Variants in FOXO3 observed in about 807,000 individuals in gnomAD.
The protein encoded by FOXO3 is forkhead box protein O3.
FOXO3 carries 4 observed loss-of-function variants against 41.9 expected under a neutral mutation model. The ratio of observed to expected loss-of-function variants is 0.10; its 90% CI spans 0.05 to 0.22. The LOEUF (loss-of-function observed/expected upper bound fraction) is 0.22. Ranked by LOEUF, FOXO3 falls within the 10% of genes least tolerant of loss-of-function variation. The probability of loss-of-function intolerance (pLI) is 1.00; values close to 1 mark genes in which losing one functional copy is unlikely to be tolerated. For missense variants in FOXO3, 534 were observed against 906.8 expected, an observed-to-expected ratio of 0.59 and a Z score of 5.28; for synonymous variants, 318 against 389.3, an observed-to-expected ratio of 0.82 and a Z score of 2.16.
chr6:108,650,046 TGACTAAAGGGAAAGG>T (rs1160287511), intron 1 of FOXO3, among the ~76,000 whole-genome samples: 22 of 152,168 alleles, frequency 1.4e-4, no homozygotes, highest in African/African-American at 5.3e-4. Flanking sequence ...ATGAAAAACC[TGACTAAAGGGAAAGG>T]GCTGGAAATT....
At chr6:108,562,506 G>C (rs1775835368) in intron 1 of FOXO3, among the ~76,000 whole-genome samples, 1 of 152,080 alleles carries the variant, frequency 6.6e-6, no homozygotes, top group Admixed American at 6.5e-5. Context: ...AAATGTTCTG[G>C]GGCCTCGAAC....
At chr6:108,600,337 G>A (rs953719055) in intron 1 of FOXO3, among the ~76,000 whole-genome samples, 1 of 151,976 alleles carries the variant, frequency 6.6e-6, no homozygotes, top group Non-Finnish European at 1.5e-5. Flanking sequence ...CCCGAGGTCA[G>A]GAATTCAAGA....
upstream of FOXO3, chr6:108,560,095 C>T (rs1438729024): frequency 1.3e-5 from 2 of 152,402 alleles, no homozygotes; most frequent in Non-Finnish European, 2.9e-5. Context: ...GGGCGCTTCC[C>T]TTTCCCCTCC....
At chr6:108,665,904 A>G (rs888243527) in intron 2 of FOXO3, among the ~76,000 whole-genome samples, 2 of 151,994 alleles carry the variant, frequency 1.3e-5, no homozygotes, top group Non-Finnish European at 2.9e-5. Flanking sequence ...TTGTTCACCA[A>G]ACTATAAATG....
chr6:108,673,605 C>G (rs1770443895), intron 2 of FOXO3, among the ~76,000 whole-genome samples: 1 of 152,208 alleles, frequency 6.6e-6, no homozygotes, highest in African/African-American at 2.4e-5. Context: ...TCCTGTGTAT[C>G]TAAAGCAGGA....
intron 1 of FOXO3, among the ~76,000 whole-genome samples, chr6:108,649,133 G>A (rs13193573): frequency 6.6e-6 from 1 of 152,052 alleles, no homozygotes; most frequent in East Asian, 1.9e-4. Context: ...GCCAGCATGA[G>A]CAGTAGTCTA....
intron 1 of FOXO3, among the ~76,000 whole-genome samples, chr6:108,588,605 C>T (rs999194885): frequency 1.4e-4 from 22 of 152,222 alleles, no homozygotes; most frequent in African/African-American, 5.3e-4. Flanking sequence ...TTCCTTCTCA[C>T]TCCCCAAAAG....
intron 2 of FOXO3, among the ~76,000 whole-genome samples, chr6:108,678,869 C>CTT (rs1156923290): frequency 1.3e-3 from 71 of 55,008 alleles, no homozygotes; most frequent in Admixed American, 2.3e-3. Flanking sequence ...TTCTTAAATT[C>CTT]TTTTTTTTTT....
At chr6:108,560,468 C>T (rs1775739608), upstream of FOXO3, among the ~76,000 whole-genome samples, 1 of 152,204 alleles carries the variant, frequency 6.6e-6, no homozygotes, top group African/African-American at 2.4e-5. Flanking sequence ...TGACAAGGGC[C>T]CATCTGCGCC....
At chr6:108,580,725 A>G (rs1400086700) in intron 1 of FOXO3, among the ~76,000 whole-genome samples, 1 of 152,212 alleles carries the variant, frequency 6.6e-6, no homozygotes, top group East Asian at 1.9e-4. Context: ...AAAGAAGAGA[A>G]AGGGAGTTTG....
rs1384913120 is a variant in FOXO3 at position 108,684,168 on chromosome 6, A to G, written c.*4376A>G. On this transcript the variant is annotated 3_prime_UTR_variant, in exon 3 of 3. Coordinates refer to ENST00000406360, the MANE Select transcript of FOXO3 (RefSeq NM_001455.4). ...TATGTGTCTGGTCACTTATTTCTCT[A>G]AAATTATCTCATTGCCTGGCAATCA... 1.3e-5 allele frequency: 2 copies of G among 152,590 alleles called. No individual in the cohort carries two copies. Among genetic ancestry groups the G allele is most frequent in the African/African-American group, 4.8e-5 (2 of 41,442 alleles). The allele number at this position is 152,590 out of a possible 1,614,324, so 9.5% of individuals were successfully genotyped here.
At chr6:108,597,359 G>T (rs1034333396) in intron 1 of FOXO3, among the ~76,000 whole-genome samples, 1 of 152,224 alleles carries the variant, frequency 6.6e-6, no homozygotes, top group African/African-American at 2.4e-5. Context: ...ATAGGCTTAA[G>T]CACAAAGAAA....
chr6:108,573,821 C>T (rs1165726598), intron 1 of FOXO3, among the ~76,000 whole-genome samples: 1 of 151,374 alleles, frequency 6.6e-6, no homozygotes, highest in African/African-American at 2.4e-5. Context: ...AAGAGCAAGA[C>T]TTCATCTCAA....
chr6:108,587,686 A>T (rs1244850845), intron 1 of FOXO3, among the ~76,000 whole-genome samples: 2 of 151,874 alleles, frequency 1.3e-5, no homozygotes, highest in African/African-American at 4.8e-5. Flanking sequence ...AGTACAATGT[A>T]CTCTCCTGCT....
chr6:108,560,898 C>A, upstream of FOXO3: 2 of 1,143,692 alleles, frequency 1.7e-6, no homozygotes, highest in Non-Finnish European at 2.2e-6. Context: ...GCGGCTCCAT[C>A]GCGGCCTGGC....
intron 1 of FOXO3, among the ~76,000 whole-genome samples, chr6:108,616,275 C>T (rs1051780484): frequency 6.7e-6 from 1 of 149,316 alleles, no homozygotes; most frequent in Non-Finnish European, 1.5e-5. Context: ...CACCATTCTC[C>T]TACCTCAGCC....
intron 1 of FOXO3, among the ~76,000 whole-genome samples, chr6:108,631,586 GT>G (rs200804742): frequency 6.6e-6 from 1 of 151,132 alleles, no homozygotes; most frequent in East Asian, 1.9e-4. Context: ...AAACACATTG[GT>G]TTTTTTTTCT....
chr6:108,680,882 C>G lies in FOXO3; in HGVS notation c.*1090C>G, dbSNP rs1425238865. 1 of 152,422 alleles carries G rather than the reference C, an allele frequency of 6.6e-6. No homozygotes were observed. 9.4% of individuals were successfully genotyped at this position (152,422 alleles called of 1,614,324 possible). Reference sequence around the variant, plus strand: ...GTCAATGCTGAGGCAGTTCTAACTTCACTGTTTTCCTAAATACACATCCTT... The same window carrying G: ...GTCAATGCTGAGGCAGTTCTAACTTGACTGTTTTCCTAAATACACATCCTT... On this transcript the variant is annotated 3_prime_UTR_variant, in exon 3 of 3. Transcript: ENST00000406360.
At chr6:108,622,614 A>G (rs560266661) in intron 1 of FOXO3, among the ~76,000 whole-genome samples, 10 of 151,956 alleles carry the variant, frequency 6.6e-5, no homozygotes, top group African/African-American at 2.4e-4. Flanking sequence ...TCCCACTCCA[A>G]CTACCACACA....
Sources: allele counts gnomAD v4.1 joint callset (sites outside exome capture counted in the v4.1 genomes callset), GRCh38; gene constraint gnomAD v4.1.1; transcripts MANE v1.5; gene names NCBI Gene and HGNC (gene_info 2026-07-23, HGNC 2026-07-21).